The following MAFB variants were observed in gnomAD, a reference collection of about 807,000 sequenced individuals.
MAFB encodes MAF bZIP transcription factor B.
MAFB carries 3 observed loss-of-function variants against 17.7 expected under a neutral mutation model. The observed-to-expected ratio is 0.17, with a 90% confidence interval of 0.08 to 0.44. The LOEUF is 0.44. Among genes scored for constraint, MAFB ranks in the 20% least tolerant of loss-of-function variants. The pLI, the probability that MAFB is intolerant of heterozygous loss-of-function variation, is 0.99. For synonymous variants in MAFB, 214 were observed against 211.5 expected (o/e 1.01, Z -0.10); for missense variants, 355 against 461.3 (o/e 0.77, Z 2.11).
rs1175501304 is a variant in MAFB at position 40,686,987 on chromosome 20, G to T, written c.*892C>A. The T allele has an allele frequency of 5.0e-6, 2 of 397,508 alleles. No individual in the cohort carries two copies. Among genetic ancestry groups the T allele is most frequent in the Non-Finnish European group, 8.9e-6 (2 of 225,928 alleles). 24.6% of individuals were successfully genotyped at this position (397,508 alleles called of 1,614,324 possible). A position where few individuals can be genotyped will look rare whatever the true frequency, so the allele number is the denominator to read the frequency against. On this transcript the variant is annotated 3_prime_UTR_variant, in exon 1 of 1. Coordinates refer to ENST00000373313, the MANE Select transcript of MAFB (RefSeq NM_005461.5). Reference sequence around the variant, plus strand: ...TTTTTAACTTACAAACAAAAATACCGTAATAATAAACCCAAACAAAGACCC... The same window carrying T: ...TTTTTAACTTACAAACAAAAATACCTTAATAATAAACCCAAACAAAGACCC...
rs1461508726 is a variant in MAFB, at chr20:40,688,185, G to C, written c.666C>G (p.Arg222=). 1 of 1,604,248 alleles carries C rather than the reference G, an allele frequency of 6.2e-7. No homozygotes were observed. The highest frequency in any genetic ancestry group is 1.7e-5 in the Admixed American group (1 of 59,640). The change falls in exon 1 of 1, where the codon CGC becomes CGG. Residue 222 remains arginine, a synonymous_variant. Transcript: ENST00000373313. ...SDDQLVSMSV[R]ELNRHLRGFT... is the part of the protein sequence containing the mutation. ...AGCCCCGCAGGTGGCGGTTCAGCTC[G>C]CGCACGGACATGGACACGAGCTGGT...
rs546025193 is a variant in MAFB at position 40,688,941 on chromosome 20, G to A, written c.-91C>T. The stretch of plus-strand genomic sequence containing the variant: ...GCCAAGCGCGGGGGGGAAGAGCGGA[G>A]AAGAGCTGGGGAGGCGGGGAGCGAG... On this transcript the variant is annotated 5_prime_UTR_variant, in exon 1 of 1. Coordinates refer to ENST00000373313, the MANE Select transcript of MAFB (RefSeq NM_005461.5). 6.8e-7 allele frequency: 1 copy of A among 1,472,610 alleles called. No individual in the cohort carries two copies. Among genetic ancestry groups the A allele is most frequent in the East Asian group, 2.4e-5 (1 of 41,152 alleles). 91.2% of individuals were successfully genotyped at this position (1,472,610 alleles called of 1,614,324 possible).
At position 40,688,969 on chromosome 20, in the gene MAFB, C is replaced by G. The variant is rs1023662995; in HGVS notation, c.-119G>C. On this transcript the variant is annotated 5_prime_UTR_variant, in exon 1 of 1. Transcript: ENST00000373313. ...GAGCTGGGGAGGCGGGGAGCGAGGG[C>G]GCAGCGGGCCGGGGCCGCCGGCCAA... 6 of 1,345,126 alleles carry G rather than the reference C, an allele frequency of 4.5e-6. No individual in the cohort carries two copies. The highest frequency in any genetic ancestry group is 3.6e-5 in the Admixed American group (1 of 27,470). The allele number at this position is 1,345,126 out of a possible 1,614,324, so 83.3% of individuals were successfully genotyped here. A position where few individuals can be genotyped will look rare whatever the true frequency, so the allele number is the denominator to read the frequency against.
Position 40,687,849 on chromosome 20 carries a change from G to A in MAFB, c.*30C>T, listed in dbSNP as rs780982442. 4 of 1,599,056 alleles carry A rather than the reference G, an allele frequency of 2.5e-6. No individual in the cohort carries two copies. The highest frequency in any genetic ancestry group is 3.4e-6 in the Non-Finnish European group (4 of 1,176,790). The stretch of plus-strand genomic sequence containing the variant: ...CGTGGGACAGGGAGTCCGGGCCGGG[G>A]CAAGGGCGGGGGCCAGGACCGGCCA... On this transcript the variant is annotated 3_prime_UTR_variant, in exon 1 of 1. Transcript: ENST00000373313.
In MAFB at chr20:40,688,840, T is replaced by G. The variant is rs745460952; in HGVS notation, c.11A>C (p.Glu4Ala). Residue 4 changes from glutamate (E) to alanine (A), a missense_variant, in exon 1 of 1, where the codon GAG becomes GCG. Physicochemically the swap from Glu to Ala is moderately radical, Grantham distance 107. Around this residue, in one of 3 missense-constraint regions of MAFB, gnomAD observed 285 missense variants for 350.0 expected, o/e 0.81. Coordinates refer to ENST00000373313, the MANE Select transcript of MAFB (RefSeq NM_005461.5). MAA[E>A]LSMGPELPTS... ...GGGCAGCTCTGGCCCCATGCTCAGC[T>G]CCGCGGCCATCGCTGAAGCGAGGCG... The G allele has an allele frequency of 8.7e-6, 14 of 1,607,096 alleles. No homozygotes were observed. In the South Asian group the frequency reaches 1.4e-4, roughly 16 times the overall value.
Position 40,688,890 on chromosome 20 carries a change from C to G in MAFB, c.-40G>C. ...GCAGCCGCCGCTGCCGCCCGGGAAA[C>G]TTTGCGGCCGGCCGGAGCGCGCCGA... On this transcript the variant is annotated 5_prime_UTR_variant, in exon 1 of 1. Transcript: ENST00000373313. The G allele has an allele frequency of 6.4e-7, 1 of 1,558,260 alleles. No individual in the cohort carries two copies. Among genetic ancestry groups the G allele is most frequent in the Non-Finnish European group, 8.6e-7 (1 of 1,156,336 alleles).
chr20:40,687,727 C>T lies in MAFB; in HGVS notation c.*152G>A. On this transcript the variant is annotated 3_prime_UTR_variant, in exon 1 of 1. Transcript: ENST00000373313. ...CCCGCCCGCGCACCCGCCCGTCGCC[C>T]GCGGCCCGCGCGCCCTTCCTCCCTC... 1 of 1,003,270 alleles carries T rather than the reference C, an allele frequency of 1.0e-6. No homozygotes were observed. 62.1% of individuals were successfully genotyped at this position (1,003,270 alleles called of 1,614,324 possible). A position where few individuals can be genotyped will look rare whatever the true frequency, so the allele number is the denominator to read the frequency against.
Position 40,686,740 on chromosome 20 carries a change from G to A in MAFB, c.*1139C>T. On this transcript the variant is annotated 3_prime_UTR_variant, in exon 1 of 1. Transcript: ENST00000373313. ...AGGCTGTAGTCCAGAACACTCCTCT[G>A]GGGTGCGGAGCTTGGCAGCTTCCCT... 2.5e-6 allele frequency: 1 copy of A among 398,676 alleles called. No homozygotes were observed. 24.7% of individuals were successfully genotyped at this position (398,676 alleles called of 1,614,324 possible).
chr20:40,688,925 G>C lies in MAFB; in HGVS notation c.-75C>G, dbSNP rs574807151. On this transcript the variant is annotated 5_prime_UTR_variant, in exon 1 of 1. Coordinates refer to ENST00000373313, the MANE Select transcript of MAFB (RefSeq NM_005461.5). ...GGCCGGAGCGCGCCGAGCCAAGCGC[G>C]GGGGGGAAGAGCGGAGAAGAGCTGG... 9.0e-4 allele frequency: 1,351 copies of C among 1,501,856 alleles called. 4 individuals are homozygous for C. The highest frequency in any genetic ancestry group is 2.9e-3 in the Middle Eastern group (15 of 5,094). 93.0% of individuals were successfully genotyped at this position (1,501,856 alleles called of 1,614,324 possible).
rs1319136937 is a variant in MAFB at position 40,688,083 on chromosome 20, C to T, written c.768G>A (p.Arg256=). Residue 256 remains arginine, a synonymous_variant, in exon 1 of 1, where the codon AGG becomes AGA. Coordinates refer to ENST00000373313, the MANE Select transcript of MAFB (RefSeq NM_005461.5). ...LKNRGYAQSC[R]YKRVQQKHHL... ...GGTGCTTCTGCTGGACGCGTTTATA[C>T]CTGCAAGACTGGGCGTAGCCCCGGT... The T allele has an allele frequency of 1.9e-6, 3 of 1,613,968 alleles. No homozygotes were observed. In the Admixed American group the frequency reaches 5.0e-5, roughly 27 times the overall value.
In MAFB at chr20:40,688,293, G is replaced by A; in HGVS notation, c.558C>T (p.Ser186=). ...AASPAQQLPT[S]HPGPGPHATA... ...TCGCGTGCGGCCCGGGCCCGGGGTGGCTAGTGGGCAGCTGTTGCGCCGGGC... is the reference window on the plus strand; with the variant it reads ...TCGCGTGCGGCCCGGGCCCGGGGTGACTAGTGGGCAGCTGTTGCGCCGGGC... The change falls in exon 1 of 1, where the codon AGC becomes AGT. Residue 186 remains serine (S), a synonymous_variant. Coordinates refer to ENST00000373313, the MANE Select transcript of MAFB (RefSeq NM_005461.5). The A allele has an allele frequency of 1.3e-6, 2 of 1,534,988 alleles. No individual in the cohort carries two copies. Among genetic ancestry groups the A allele is most frequent in the Non-Finnish European group, 1.7e-6 (2 of 1,149,654 alleles).
chr20:40,688,221 G>T lies in MAFB; in HGVS notation c.630C>A (p.Arg210=). Residue 210 remains arginine, a synonymous_variant, in exon 1 of 1, where the codon CGC becomes CGA. Coordinates refer to ENST00000373313, the MANE Select transcript of MAFB (RefSeq NM_005461.5). ...AAGGNGSVED[R]FSDDQLVSMS... ...TGGACACGAGCTGGTCGTCGGAGAA[G>T]CGGTCCTCCACGCTGCCGTTGCCGC... 2 of 1,582,018 alleles carry T rather than the reference G, an allele frequency of 1.3e-6. No homozygotes were observed. The highest frequency in any genetic ancestry group is 8.5e-7 in the Non-Finnish European group (1 of 1,171,012).
At position 40,688,140 on chromosome 20, in the gene MAFB, G is replaced by C. The variant is rs1986876559; in HGVS notation, c.711C>G (p.Ile237Met). 1.2e-6 allele frequency: 2 copies of C among 1,612,508 alleles called. No individual in the cohort carries two copies. The highest frequency in any genetic ancestry group is 1.7e-6 in the Non-Finnish European group (2 of 1,179,824). ...GGGTCCGCCGCTTCTGCTTCAGGCG[G>C]ATCACCTCGTCCTTGGTGAAGCCCC... ...HLRGFTKDEVIRLKQKRRTLK... is the reference protein window; with the variant it reads ...HLRGFTKDEVMRLKQKRRTLK... Residue 237 changes from isoleucine to methionine, a missense_variant, in exon 1 of 1, where the codon ATC becomes ATG. Physicochemically the swap from Ile to Met is conservative, Grantham distance 10 (BLOSUM62 1). This residue lies in a region of MAFB where 285 missense variants were observed against 350.0 expected (regional missense o/e 0.81). Transcript: ENST00000373313.
chr20:40,688,855 G>A lies in MAFB; in HGVS notation c.-5C>T, dbSNP rs202157976. On this transcript the variant is annotated 5_prime_UTR_variant, in exon 1 of 1. Transcript: ENST00000373313. ...CATGCTCAGCTCCGCGGCCATCGCT[G>A]AAGCGAGGCGCAGCCGCCGCTGCCG... 1.3e-6 allele frequency: 2 copies of A among 1,584,356 alleles called. No individual in the cohort carries two copies. Among genetic ancestry groups the A allele is most frequent in the Non-Finnish European group, 1.7e-6 (2 of 1,167,268 alleles).
rs1288210874 is a variant in MAFB at position 40,689,201 on chromosome 20, C to T, written c.-351G>A. On this transcript the variant is annotated 5_prime_UTR_variant, in exon 1 of 1. Transcript: ENST00000373313. ...TAGCTCTCTTGCTCTTACGCTCTCT[C>T]GCTCGCAGCCGCTCGCAGCTCGGCG... The T allele has an allele frequency of 3.4e-6, 1 of 298,334 alleles. No individual in the cohort carries two copies. The allele number at this position is 298,334 out of a possible 1,614,324, so 18.5% of individuals were successfully genotyped here. A position where few individuals can be genotyped will look rare whatever the true frequency, so the allele number is the denominator to read the frequency against.
At position 40,688,622 on chromosome 20, in the gene MAFB, C is replaced by G; in HGVS notation, c.229G>C (p.Glu77Gln). 6.2e-7 allele frequency: 1 copy of G among 1,614,076 alleles called. No individual in the cohort carries two copies. The highest frequency in any genetic ancestry group is 2.2e-5 in the East Asian group (1 of 44,870). Reference sequence around the variant, plus strand: ...AGATCCTCGAGGTGTGTCTTCTGTTCGGTCGGGCTGAAGCTGGGCGACGAG... The same window carrying G: ...AGATCCTCGAGGTGTGTCTTCTGTTGGGTCGGGCTGAAGCTGGGCGACGAG... ...VPSSPSFSPT[E>Q]QKTHLEDLYW... The change falls in exon 1 of 1, where the codon GAA (glutamate) becomes CAA (glutamine). Residue 77 changes from glutamate to glutamine, a missense_variant. Around this residue, in one of 3 missense-constraint regions of MAFB, gnomAD observed 285 missense variants for 350.0 expected, o/e 0.81. Transcript: ENST00000373313.
In MAFB at chr20:40,688,492, G is replaced by A. The variant is rs764399516; in HGVS notation, c.359C>T (p.Pro120Leu). ...ALIGSHPVPQ[P>L]LQSFDSFRGA... ...GCGAAAGCTGTCGAAGCTTTGCAGC[G>A]GCTGTGGCACTGGGTGCGAGCCGAT... The change falls in exon 1 of 1, where the codon CCG becomes CTG. Residue 120 changes from proline to leucine, a missense_variant. Transcript: ENST00000373313. 1.9e-6 allele frequency: 3 copies of A among 1,611,852 alleles called. No individual in the cohort carries two copies. The highest frequency in any genetic ancestry group is 4.5e-5 in the East Asian group (2 of 44,868).
rs1986854950 is a variant in MAFB at position 40,687,433 on chromosome 20, A to G, written c.*446T>C. The stretch of plus-strand genomic sequence containing the variant: ...CTCGCCTCTCGCCTGCCGGGACGCC[A>G]GAGTCCCTCTCCTTTCCTCGTTGCT... On this transcript the variant is annotated 3_prime_UTR_variant, in exon 1 of 1. Coordinates refer to ENST00000373313, the MANE Select transcript of MAFB (RefSeq NM_005461.5). 2.8e-6 allele frequency: 1 copy of G among 356,770 alleles called. No individual in the cohort carries two copies. The highest frequency in any genetic ancestry group is 4.1e-5 in the East Asian group (1 of 24,262). 22.1% of individuals were successfully genotyped at this position (356,770 alleles called of 1,614,324 possible). A position where few individuals can be genotyped will look rare whatever the true frequency, so the allele number is the denominator to read the frequency against.
In MAFB at chr20:40,689,047, C is replaced by T; in HGVS notation, c.-197G>A. The T allele has an allele frequency of 1.4e-6, 1 of 696,610 alleles. No homozygotes were observed. The highest frequency in any genetic ancestry group is 2.1e-6 in the Non-Finnish European group (1 of 467,602). 43.2% of individuals were successfully genotyped at this position (696,610 alleles called of 1,614,324 possible). A position where few individuals can be genotyped will look rare whatever the true frequency, so the allele number is the denominator to read the frequency against. The stretch of plus-strand genomic sequence containing the variant: ...CCGGAGAGTCCCGAGGCTGCCTGCA[C>T]CGCCCCAGAGCTCTGGGCTGTGCCC... On this transcript the variant is annotated 5_prime_UTR_variant, in exon 1 of 1. The change creates a new upstream start codon in the 5' untranslated region. Transcript: ENST00000373313.
Sources: allele counts gnomAD v4.1 joint callset, GRCh38; gene constraint gnomAD v4.1.1; regional missense constraint gnomAD v4.1.1; transcripts MANE v1.5; gene names NCBI Gene and HGNC (gene_info 2026-07-23, HGNC 2026-07-21).